Variants in P2RX3 observed in about 807,000 individuals in gnomAD.
The protein encoded by P2RX3 is P2X purinoceptor 3.
P2RX3 carries 41 observed loss-of-function variants against 51.5 expected under a neutral mutation model. That is an observed-to-expected ratio of 0.80 (90% CI 0.62 to 1.03). The LOEUF is 1.03. Among genes scored for constraint, P2RX3 ranks in the 50% least tolerant of loss-of-function variants. The pLI is 0.00. For synonymous variants in P2RX3, 185 were observed against 191.6 expected, an observed-to-expected ratio of 0.97 and a Z score of 0.29; for missense variants, 459 against 522.1, an observed-to-expected ratio of 0.88 and a Z score of 1.18.
At chr11:57,351,592 A>G (rs184937799) in intron 8 of P2RX3, among the ~76,000 whole-genome samples, 10 of 152,354 alleles carry the variant, frequency 6.6e-5, no homozygotes, top group South Asian at 4.1e-4. Context: ...GTCTTCTCCC[A>G]TCCTAATTTC....
chr11:57,370,012 GC>G lies in P2RX3; in HGVS notation c.*19del. The G allele has an allele frequency of 6.3e-7, 1 of 1,579,882 alleles. No individual in the cohort carries two copies. Among genetic ancestry groups the G allele is most frequent in the South Asian group, 1.1e-5 (1 of 89,882 alleles). On this transcript the variant is annotated 3_prime_UTR_variant, in exon 12 of 12. Transcript: ENST00000263314. ...TAGGCCACTAGGGCCTCTTTCCAGGGCCCCACACTCACAAAGGCTCCAGGCC... is the reference window on the plus strand; with the variant it reads ...TAGGCCACTAGGGCCTCTTTCCAGGGCCCACACTCACAAAGGCTCCAGGCC...
chr11:57,347,143 A>G lies in P2RX3; in HGVS notation c.283A>G (p.Lys95Glu). 2 of 1,613,782 alleles carry G rather than the reference A, an allele frequency of 1.2e-6. No individual in the cohort carries two copies. Among genetic ancestry groups the G allele is most frequent in the Non-Finnish European group, 1.7e-6 (2 of 1,179,862 alleles). The stretch of plus-strand genomic sequence containing the variant: ...CACCTCGGTCTTTGTCATCATCACC[A>G]AGATGATTGTTACTGAAAATCAGAT... ...QGTSVFVIIT[K>E]MIVTENQMQG... The change falls in exon 3 of 12, where the codon AAG becomes GAG. Residue 95 changes from lysine (K) to glutamate (E), a missense_variant. By Grantham distance (56) the Lys-to-Glu change is moderately conservative. Transcript: ENST00000263314.
rs1856864890 is a variant in P2RX3, at chr11:57,370,260, C to T, written c.*263C>T. On this transcript the variant is annotated 3_prime_UTR_variant, in exon 12 of 12. Coordinates refer to ENST00000263314, the MANE Select transcript of P2RX3 (RefSeq NM_002559.5). ...TGGGGCAGGAGCACCTGAGCCATCC[C>T]CTTCCCAAAGAGTAGAGATTATAAT... is the stretch of plus-strand genomic sequence containing the variant. The T allele has an allele frequency of 2.1e-6, 1 of 485,142 alleles. No individual in the cohort carries two copies. The highest frequency in any genetic ancestry group is 3.7e-6 in the Non-Finnish European group (1 of 269,752). The allele number at this position is 485,142 out of a possible 1,614,324, so 30.1% of individuals were successfully genotyped here.
At chr11:57,348,121 G>A (rs1483660726) in intron 4 of P2RX3, 49 bp from the exon 5 acceptor site, 1 of 1,475,272 alleles carries the variant, frequency 6.8e-7, no homozygotes, top group South Asian at 1.3e-5. Context: ...AGGAAAGGGA[G>A]AGGAGCAAAG....
chr11:57,368,516 G>A, intron 10 of P2RX3, 79 bp downstream of exon 10: 8 of 1,510,304 alleles, frequency 5.3e-6, no homozygotes, highest in Middle Eastern at 1.7e-4. Context: ...GGGAGTGACG[G>A]CGGCAAAACT....
intron 8 of P2RX3, among the ~76,000 whole-genome samples, chr11:57,360,570 G>A (rs911420832): frequency 1.2e-4 from 18 of 151,654 alleles, no homozygotes; most frequent in African/African-American, 3.4e-4. Context: ...CGAGGTGAGC[G>A]GTTCACAAGG....
upstream of P2RX3, among the ~76,000 whole-genome samples, chr11:57,337,802 GCAGGTT>G (rs1856263369): frequency 6.6e-6 from 1 of 152,250 alleles, no homozygotes; most frequent in South Asian, 2.1e-4. Flanking sequence ...TGCACGTTGT[GCAGGTT>G]TACCATAGAA....
intron 1 of P2RX3, among the ~76,000 whole-genome samples, chr11:57,338,937 G>A (rs1157637664): frequency 6.6e-6 from 1 of 152,052 alleles, no homozygotes. Context: ...TCCCTGCCCC[G>A]GCACTGCCCT....
intron 1 of P2RX3, among the ~76,000 whole-genome samples, chr11:57,340,067 C>T (rs180684216): frequency 1.3e-5 from 2 of 152,314 alleles, no homozygotes; most frequent in Admixed American, 6.5e-5. Context: ...TGCAAATGTT[C>T]GCTGTCTGCA....
chr11:57,343,250 A>AAGGAGG (rs60686685), intron 1 of P2RX3, among the ~76,000 whole-genome samples: 1 of 152,132 alleles, frequency 6.6e-6, no homozygotes, highest in Non-Finnish European at 1.5e-5. Flanking sequence ...AGGAGCCTTG[A>AAGGAGG]AGGAGGAGGA....
intron 8 of P2RX3, among the ~76,000 whole-genome samples, chr11:57,362,794 A>T (rs1856741011): frequency 6.6e-6 from 1 of 152,174 alleles, no homozygotes; most frequent in African/African-American, 2.4e-5. Context: ...CTTAAATGCA[A>T]TGGGGTGGTT....
In P2RX3 at chr11:57,372,196, C is replaced by T. The variant is rs1462037941; in HGVS notation, c.*2199C>T. Among the ~76,000 whole-genome samples the T allele has an allele frequency of 6.6e-6, 1 of 152,204 alleles. No homozygotes were observed. Among genetic ancestry groups the T allele is most frequent in the Non-Finnish European group, 1.5e-5 (1 of 68,028 alleles). Reference sequence around the variant, plus strand: ...CCTATTTGATAGAAAAAGAAATTTACAGTACGTGGAAATGAGATCTGGAAC... The same window carrying T: ...CCTATTTGATAGAAAAAGAAATTTATAGTACGTGGAAATGAGATCTGGAAC... On this transcript the variant is annotated 3_prime_UTR_variant, in exon 12 of 12. Transcript: ENST00000263314.
At chr11:57,358,468 G>T (rs1322810678) in intron 8 of P2RX3, among the ~76,000 whole-genome samples, 1 of 152,208 alleles carries the variant, frequency 6.6e-6, no homozygotes, top group African/African-American at 2.4e-5. Flanking sequence ...ATATATATAT[G>T]TTATGCTGGG....
intron 8 of P2RX3, among the ~76,000 whole-genome samples, chr11:57,351,543 CTG>C (rs1038148080): frequency 2.6e-5 from 4 of 152,178 alleles, no homozygotes; most frequent in African/African-American, 9.7e-5. Flanking sequence ...AGAGGACAAA[CTG>C]TTTGGAAGCA....
rs1253001920 is a variant in P2RX3 at position 57,370,781 on chromosome 11, G to A, written c.*784G>A. On this transcript the variant is annotated 3_prime_UTR_variant, in exon 12 of 12. Transcript: ENST00000263314. ...CCAAACCAGGGAAGGGGTCATTCTT[G>A]TTCTTCTCTGGGACCCCACACCCAC... Among the ~76,000 whole-genome samples the A allele has an allele frequency of 2.0e-5, 3 of 152,176 alleles. No homozygotes were observed. The highest frequency in any genetic ancestry group is 4.8e-5 in the African/African-American group (2 of 41,440).
chr11:57,337,672 G>A (rs963667526), upstream of P2RX3, among the ~76,000 whole-genome samples: 5 of 152,212 alleles, frequency 3.3e-5, no homozygotes, highest in African/African-American at 9.6e-5. Context: ...GGCCTGTCGC[G>A]GGGTGGGCGG....
chr11:57,356,606 G>T (rs953333844), intron 8 of P2RX3, among the ~76,000 whole-genome samples: 1 of 152,212 alleles, frequency 6.6e-6, no homozygotes, highest in Non-Finnish European at 1.5e-5. Context: ...AGGCAGAAAC[G>T]TGTGGATCAG....
At chr11:57,369,688 C>T (rs1254871976) in intron 11 of P2RX3, among the ~76,000 whole-genome samples, 196 bp from the exon 12 acceptor site, 1 of 152,030 alleles carries the variant, frequency 6.6e-6, no homozygotes, top group African/African-American at 2.4e-5. Context: ...TGGGGCAGGA[C>T]TAGGGGAGGC....
upstream of P2RX3, among the ~76,000 whole-genome samples, chr11:57,337,289 CAAAAAA>C (rs36169095): frequency 3.7e-5 from 1 of 26,770 alleles, no homozygotes; most frequent in East Asian, 1.1e-3. Context: ...GAGACTCTGT[CAAAAAA>C]AAAAAAAAAA....
Sources: allele counts gnomAD v4.1 joint callset (sites outside exome capture counted in the v4.1 genomes callset), GRCh38; gene constraint gnomAD v4.1.1; transcripts MANE v1.5; gene names NCBI Gene and HGNC (gene_info 2026-07-23, HGNC 2026-07-21).